The following CTDSPL2 variants were observed in gnomAD, a reference collection of about 807,000 sequenced individuals.
CTDSPL2 encodes the protein CTD small phosphatase like 2.
Under a neutral mutation model 60.0 loss-of-function variants are expected in CTDSPL2, and 5 were observed. That is an observed-to-expected ratio of 0.08 (90% CI 0.04 to 0.18). The LOEUF (loss-of-function observed/expected upper bound fraction) is 0.18. Among genes scored for constraint, CTDSPL2 ranks in the 10% least tolerant of loss-of-function variants. CTDSPL2 has a pLI of 1.00. For synonymous variants in CTDSPL2, 186 were observed against 189.3 expected (o/e 0.98, Z 0.14); for missense variants, 370 against 548.8 (o/e 0.67, Z 3.26).
chr15:44,497,502 A>G (rs1417988698), intron 7 of CTDSPL2, among the ~76,000 whole-genome samples: 4 of 152,050 alleles, frequency 2.6e-5, no homozygotes, highest in Admixed American at 2.0e-4. Context: ...AGTAGCTGGG[A>G]CTACAGGCGC....
At chr15:44,456,405 GC>G (rs2080441387) in intron 1 of CTDSPL2, among the ~76,000 whole-genome samples, 1 of 152,132 alleles carries the variant, frequency 6.6e-6, no homozygotes, top group African/African-American at 2.4e-5. Flanking sequence ...ATTAATTATT[GC>G]CTCAATTTCA....
chr15:44,522,029 T>G (rs915873064), intron 12 of CTDSPL2, among the ~76,000 whole-genome samples: 2 of 150,888 alleles, frequency 1.3e-5, no homozygotes, highest in African/African-American at 2.4e-5. Context: ...TGAAAAAGAT[T>G]ATGTGCATTT....
intron 1 of CTDSPL2, among the ~76,000 whole-genome samples, chr15:44,431,105 A>G (rs2079847569): frequency 6.7e-6 from 1 of 149,276 alleles, no homozygotes; most frequent in Admixed American, 6.8e-5. Flanking sequence ...TACAGATGTG[A>G]GCCACCGCAT....
intron 1 of CTDSPL2, among the ~76,000 whole-genome samples, chr15:44,442,839 A>G (rs1415590417): frequency 2.6e-5 from 4 of 152,096 alleles, no homozygotes; most frequent in Non-Finnish European, 5.9e-5. Flanking sequence ...AGCTGGGCGT[A>G]GTAGTGCATG....
chr15:44,476,575 G>T (rs1181878851), intron 2 of CTDSPL2, among the ~76,000 whole-genome samples: 2 of 152,052 alleles, frequency 1.3e-5, no homozygotes, highest in Non-Finnish European at 2.9e-5. Context: ...GTCCAATAAG[G>T]TTATAATACC....
intron 8 of CTDSPL2, among the ~76,000 whole-genome samples, chr15:44,513,827 C>G (rs1238543139): frequency 1.3e-5 from 2 of 152,132 alleles, no homozygotes; most frequent in African/African-American, 4.8e-5. Context: ...AATGGTTGCT[C>G]ATGGCTTTTT....
chr15:44,438,156 C>T (rs549293449), intron 1 of CTDSPL2, among the ~76,000 whole-genome samples: 35 of 151,774 alleles, frequency 2.3e-4, no homozygotes, highest in African/African-American at 7.5e-4. Context: ...CCCAGCTACT[C>T]GGAAGGCTGG....
intron 1 of CTDSPL2, among the ~76,000 whole-genome samples, chr15:44,433,369 C>T (rs2079902618): frequency 6.8e-6 from 1 of 146,252 alleles, no homozygotes; most frequent in African/African-American, 2.5e-5. Flanking sequence ...ACAGCCGAAA[C>T]AGTGTACTAG....
intron 1 of CTDSPL2, among the ~76,000 whole-genome samples, chr15:44,437,670 T>C (rs931295757): frequency 6.6e-6 from 1 of 152,202 alleles, no homozygotes; most frequent in South Asian, 2.1e-4. Flanking sequence ...CAACAAAGAT[T>C]GAGTTAACTC....
intron 2 of CTDSPL2, among the ~76,000 whole-genome samples, chr15:44,473,327 G>A (rs1198042461): frequency 2.0e-5 from 3 of 151,738 alleles, no homozygotes; most frequent in African/African-American, 7.3e-5. Flanking sequence ...ATGTAATCTC[G>A]CTCTATCGCC....
intron 2 of CTDSPL2, among the ~76,000 whole-genome samples, chr15:44,470,283 ACTTGTT>A (rs150592087): frequency 0.022 from 3,366 of 152,014 alleles, 112 homozygotes; most frequent in African/African-American, 0.077. Context: ...TAAGCGTATG[ACTTGTT>A]CTTGTTAATA....
At chr15:44,513,430 G>T (rs1472837001) in intron 8 of CTDSPL2, among the ~76,000 whole-genome samples, 1 of 152,192 alleles carries the variant, frequency 6.6e-6, no homozygotes, top group Non-Finnish European at 1.5e-5. Flanking sequence ...TCATGCCATT[G>T]CACTCCAGCC....
intron 1 of CTDSPL2, among the ~76,000 whole-genome samples, chr15:44,442,179 G>T (rs750306388): frequency 6.6e-6 from 1 of 152,076 alleles, no homozygotes; most frequent in African/African-American, 2.4e-5. Context: ...GGCCAGGTGC[G>T]GTGGCTCATG....
intron 5 of CTDSPL2, among the ~76,000 whole-genome samples, chr15:44,491,950 A>G (rs2081221619): frequency 6.6e-6 from 1 of 151,556 alleles, no homozygotes; most frequent in African/African-American, 2.4e-5. Flanking sequence ...TGCAACCTCC[A>G]CCTCCTGGGT....
chr15:44,500,400 A>G (rs1323227343), intron 8 of CTDSPL2, among the ~76,000 whole-genome samples: 1 of 152,194 alleles, frequency 6.6e-6, no homozygotes, highest in Non-Finnish European at 1.5e-5. Flanking sequence ...ACTGTGGATT[A>G]TGTGTGCTGG....
rs117372876 is a variant in CTDSPL2, at chr15:44,474,010, A to G, written c.187-10214A>G. 5.3e-5 allele frequency among the ~76,000 whole-genome samples: 8 copies of G among 152,158 alleles called. No individual in the cohort carries two copies. The East Asian group carries it at 1.6e-3, about 30-fold the overall frequency. On this transcript the variant is annotated intron_variant, in intron 2 of 12. Transcript: ENST00000260327. ...CACCGGGCTAATTTTTATATTTTAT[A>G]AGAGATGGGGTTTCGCCGTGTTGCC... is the stretch of plus-strand genomic sequence containing the variant.
chr15:44,515,968 A>C (rs372085129), intron 10 of CTDSPL2, among the ~76,000 whole-genome samples: 62 of 125,088 alleles, frequency 5.0e-4, no homozygotes, highest in East Asian at 1.4e-3. Flanking sequence ...CTCTTTCTCT[A>C]TTTCTTTCTT....
intron 8 of CTDSPL2, among the ~76,000 whole-genome samples, chr15:44,501,272 CAA>C (rs2081377492): frequency 6.6e-6 from 1 of 151,938 alleles, no homozygotes; most frequent in Non-Finnish European, 1.5e-5. Flanking sequence ...TATAGATAAA[CAA>C]TGATTTTGAG....
chr15:44,484,393 A>T, intron 3 of CTDSPL2, 31 bp downstream of exon 3: 1 of 1,591,358 alleles, frequency 6.3e-7, no homozygotes, highest in Non-Finnish European at 8.6e-7. Context: ...TGTTTTATTT[A>T]GGTGTAAGCA....
Sources: allele counts gnomAD v4.1 joint callset (sites outside exome capture counted in the v4.1 genomes callset), GRCh38; gene constraint gnomAD v4.1.1; transcripts MANE v1.5; gene names NCBI Gene and HGNC (gene_info 2026-07-23, HGNC 2026-07-21).